Variants in IL1RAPL1 observed in about 807,000 individuals in gnomAD.
The protein encoded by IL1RAPL1 is interleukin 1 receptor accessory protein like 1.
IL1RAPL1 carries 3 observed loss-of-function variants against 48.4 expected under a neutral mutation model. The ratio of observed to expected loss-of-function variants is 0.06; its 90% confidence interval spans 0.03 to 0.16. The LOEUF (loss-of-function observed/expected upper bound fraction) is 0.16, where lower values mean the gene tolerates loss of function less well. Ranked by LOEUF, IL1RAPL1 falls within the 10% of genes least tolerant of loss-of-function variation. The pLI is 1.00. For missense variants in IL1RAPL1, 349 were observed against 530.6 expected (o/e 0.66, Z 3.36); for synonymous variants, 185 against 187.7 (o/e 0.99, Z 0.12).
chrX:28,950,095 C>T (rs1321560894), intron 2 of IL1RAPL1, among the ~76,000 whole-genome samples: 7 of 103,183 alleles, frequency 6.8e-5, no homozygotes, highest in Non-Finnish European at 1.4e-4. Flanking sequence ...AGTCTTTAAT[C>T]CATCTTGAAT....
chrX:29,739,460 T>A (rs1928138702), intron 6 of IL1RAPL1, among the ~76,000 whole-genome samples: 1 of 111,688 alleles, frequency 9.0e-6, no homozygotes, highest in East Asian at 2.8e-4. Context: ...ATTCTCACTG[T>A]CAGGGTCATA....
At chrX:28,625,829 A>G (rs952566091) in intron 1 of IL1RAPL1, among the ~76,000 whole-genome samples, 1 of 110,274 alleles carries the variant, frequency 9.1e-6, no homozygotes. Flanking sequence ...TTCAAATTCT[A>G]CTAAGTCATA....
intron 2 of IL1RAPL1, among the ~76,000 whole-genome samples, chrX:29,092,698 AT>A (rs762857732): frequency 1.8e-5 from 2 of 112,169 alleles, no homozygotes; most frequent in South Asian, 7.4e-4. Flanking sequence ...GATTAAAAAA[AT>A]ATATGTCATC....
At chrX:29,190,745 A>G (rs1930336896) in intron 2 of IL1RAPL1, among the ~76,000 whole-genome samples, 1 of 112,478 alleles carries the variant, frequency 8.9e-6, no homozygotes, top group South Asian at 3.6e-4. Context: ...TTTTTCAATT[A>G]AGTACTGTTT....
At chrX:29,602,198 A>G (rs6630914) in intron 5 of IL1RAPL1, among the ~76,000 whole-genome samples, 44,215 of 104,677 alleles carry the variant, frequency 0.42, 8,030 homozygotes, top group African/African-American at 0.65. Context: ...GATCAGGCTG[A>G]TCTCAAACTC....
intron 5 of IL1RAPL1, among the ~76,000 whole-genome samples, chrX:29,451,514 G>A (rs900002688): frequency 9.0e-6 from 1 of 111,644 alleles, no homozygotes; most frequent in Non-Finnish European, 1.9e-5. Context: ...TTTTTAAAAA[G>A]CATTTTAATT....
chrX:28,592,420 G>A (rs149057587), intron 1 of IL1RAPL1, among the ~76,000 whole-genome samples: 2 of 111,313 alleles, frequency 1.8e-5, no homozygotes, highest in Admixed American at 9.6e-5. Flanking sequence ...AATACCAAGT[G>A]TAATAGAGAA....
chrX:29,590,948 T>C (rs1470520797), intron 5 of IL1RAPL1, among the ~76,000 whole-genome samples: 2 of 112,442 alleles, frequency 1.8e-5, no homozygotes, highest in Non-Finnish European at 3.7e-5. Context: ...AATAAAGTTT[T>C]TAAAAATGAG....
At chrX:28,725,399 T>C (rs1396068676) in intron 1 of IL1RAPL1, among the ~76,000 whole-genome samples, 1 of 112,225 alleles carries the variant, frequency 8.9e-6, no homozygotes, top group African/African-American at 3.2e-5. Flanking sequence ...ATCTTTCTTA[T>C]TGAGTATAAT....
At chrX:29,599,678 A>G (rs747532629) in intron 5 of IL1RAPL1, among the ~76,000 whole-genome samples, 34 of 112,476 alleles carry the variant, frequency 3.0e-4, no homozygotes, top group Non-Finnish European at 4.7e-4. Context: ...GACATTTAAC[A>G]TAGTCCCAAA....
At chrX:29,183,914 G>A (rs887115081) in intron 2 of IL1RAPL1, among the ~76,000 whole-genome samples, 1 of 111,609 alleles carries the variant, frequency 9.0e-6, no homozygotes, top group African/African-American at 3.3e-5. Context: ...GGCCGGTCTC[G>A]AACTCCTGAC....
At chrX:29,647,545 A>G (rs775263097) in intron 5 of IL1RAPL1, among the ~76,000 whole-genome samples, 4 of 111,053 alleles carry the variant, frequency 3.6e-5, no homozygotes, top group Non-Finnish European at 7.5e-5. Flanking sequence ...AAAGTGAACA[A>G]TTTTTTTGTG....
At chrX:29,625,144 T>C (rs1924579521) in intron 5 of IL1RAPL1, among the ~76,000 whole-genome samples, 1 of 112,012 alleles carries the variant, frequency 8.9e-6, no homozygotes, top group Non-Finnish European at 1.9e-5. Flanking sequence ...GGATGGGCCA[T>C]AGTTTGTTGA....
At chrX:28,840,609 A>G (rs1244285746) in intron 2 of IL1RAPL1, among the ~76,000 whole-genome samples, 1 of 111,229 alleles carries the variant, frequency 9.0e-6, no homozygotes, top group Non-Finnish European at 1.9e-5. Context: ...TTACATTTAA[A>G]TATTTTTTGT....
intron 3 of IL1RAPL1, among the ~76,000 whole-genome samples, chrX:29,335,704 T>C (rs1426921139): frequency 9.0e-6 from 1 of 111,457 alleles, no homozygotes; most frequent in Non-Finnish European, 1.9e-5. Context: ...TGACTGTACA[T>C]ATCATTCTAA....
intron 5 of IL1RAPL1, among the ~76,000 whole-genome samples, chrX:29,407,643 T>C (rs750725729): frequency 4.7e-4 from 52 of 111,766 alleles, no homozygotes; most frequent in Non-Finnish European, 9.4e-4. Flanking sequence ...AGCAAGCAAT[T>C]CTGTAGGATT....
intron 6 of IL1RAPL1, among the ~76,000 whole-genome samples, chrX:29,716,248 C>G (rs1237410155): frequency 9.0e-6 from 1 of 110,827 alleles, no homozygotes; most frequent in Non-Finnish European, 1.9e-5. Flanking sequence ...TGCAGGCTGC[C>G]CAGTAAGAGG....
chrX:28,952,514 A>C (rs1480549419), intron 2 of IL1RAPL1, among the ~76,000 whole-genome samples: 1 of 111,697 alleles, frequency 9.0e-6, no homozygotes, highest in Non-Finnish European at 1.9e-5. Flanking sequence ...AAAAATTGGA[A>C]AAATAGAATA....
At chrX:29,172,215 A>G (rs931204766) in intron 2 of IL1RAPL1, among the ~76,000 whole-genome samples, 4 of 111,998 alleles carry the variant, frequency 3.6e-5, no homozygotes, top group Non-Finnish European at 5.6e-5. Context: ...AATCTCAGTA[A>G]TTGAATTTGT....
Sources: gnomAD v4.1 joint callset for allele counts (sites outside exome capture counted in the v4.1 genomes callset) on GRCh38, gnomAD v4.1.1 for gene constraint, MANE v1.5 for transcripts, NCBI Gene and HGNC (gene_info 2026-07-23, HGNC 2026-07-21) for gene names.